The following FAM13A variants were observed in gnomAD, a reference collection of about 807,000 sequenced individuals.
FAM13A encodes protein FAM13A.
In FAM13A, 76 loss-of-function variants were observed where a neutral mutation model predicts 129.6. The observed-to-expected ratio is 0.59, with a 90% CI of 0.49 to 0.71. The LOEUF is 0.71. Ranked by LOEUF, FAM13A falls within the 30% of genes least tolerant of loss-of-function variation. FAM13A has a pLI of 0.00. For missense variants in FAM13A, 1,108 were observed against 1,249.3 expected (o/e 0.89, Z 1.70); for synonymous variants, 443 against 449.9 (o/e 0.98, Z 0.20).
chr4:88,887,063 G>GT (rs1744546277), intron 6 of FAM13A, among the ~76,000 whole-genome samples: 1 of 152,092 alleles, frequency 6.6e-6, no homozygotes, highest in African/African-American at 2.4e-5. Context: ...ATCAAACATC[G>GT]TATGTTCTCA....
At chr4:88,845,073 T>C (rs1305837307) in intron 7 of FAM13A, among the ~76,000 whole-genome samples, 3 of 152,116 alleles carry the variant, frequency 2.0e-5, no homozygotes, top group Non-Finnish European at 2.9e-5. Flanking sequence ...ATCCAGTACA[T>C]TAGTGGAATG....
At chr4:88,860,478 A>G (rs777851835) in intron 6 of FAM13A, among the ~76,000 whole-genome samples, 4 of 152,208 alleles carry the variant, frequency 2.6e-5, no homozygotes, top group Non-Finnish European at 5.9e-5. Flanking sequence ...TTGCATTTCT[A>G]TGATATATCC....
intron 3 of FAM13A, among the ~76,000 whole-genome samples, chr4:89,010,562 G>T (rs1765600450): frequency 6.6e-6 from 1 of 152,196 alleles, no homozygotes; most frequent in African/African-American, 2.4e-5. Flanking sequence ...AGATAGAAAA[G>T]AAAAGATTTG....
At position 89,019,835 on chromosome 4, in the gene FAM13A, C is replaced by T. The variant is rs550936406; in HGVS notation, c.427+625G>A. On this transcript the variant is annotated intron_variant, in intron 3 of 23. Transcript: ENST00000264344. ...TACTACAATCAAAAATCAATTTTTA[C>T]CTCACGAAATGAACAAAATTATTTT... is the stretch of plus-strand genomic sequence containing the variant. Among the ~76,000 whole-genome samples the T allele has an allele frequency of 6.8e-4, 102 of 150,148 alleles. 1 individual carries two copies. The highest frequency in any genetic ancestry group is 9.8e-4 in the Non-Finnish European group (66 of 67,618).
intron 6 of FAM13A, among the ~76,000 whole-genome samples, chr4:88,894,189 T>C (rs144556462): frequency 6.6e-6 from 1 of 152,238 alleles, no homozygotes; most frequent in Non-Finnish European, 1.5e-5. Context: ...AAGATGCACA[T>C]GCTTACGATC....
chr4:88,815,805 G>A (rs1273025622), intron 7 of FAM13A, among the ~76,000 whole-genome samples: 2 of 151,928 alleles, frequency 1.3e-5, no homozygotes, highest in South Asian at 2.1e-4. Flanking sequence ...CTTGAACTAC[G>A]TTTATTTAGA....
intron 1 of FAM13A, among the ~76,000 whole-genome samples, chr4:89,048,606 T>C (rs1560953146): frequency 1.3e-5 from 2 of 152,152 alleles, no homozygotes; most frequent in African/African-American, 4.8e-5. Context: ...GAGCTGTTGA[T>C]AAAACAGAAA....
intron 5 of FAM13A, among the ~76,000 whole-genome samples, chr4:88,924,222 C>T (rs1751687426): frequency 6.6e-6 from 1 of 152,092 alleles, no homozygotes; most frequent in Non-Finnish European, 1.5e-5. Context: ...TCATATGGAA[C>T]CCAAAAAGAG....
intron 6 of FAM13A, among the ~76,000 whole-genome samples, chr4:88,901,159 C>G (rs1214923608): frequency 6.6e-6 from 1 of 152,014 alleles, no homozygotes; most frequent in East Asian, 1.9e-4. Context: ...TCTTAGAGAC[C>G]TATAAAGAGA....
At position 89,038,848 on chromosome 4, in the gene FAM13A, G is replaced by A. The variant is rs1305848701; in HGVS notation, c.28-9199C>T. On this transcript the variant is annotated intron_variant, in intron 1 of 23. Coordinates refer to ENST00000264344, the MANE Select transcript of FAM13A (RefSeq NM_014883.4). Reference sequence around the variant, plus strand: ...CAGCTGCCAAAATATCAACTGAAAGGTTGTTGGAGAATATGATTTTCATAG... The same window carrying A: ...CAGCTGCCAAAATATCAACTGAAAGATTGTTGGAGAATATGATTTTCATAG... Among the ~76,000 whole-genome samples the A allele has an allele frequency of 5.9e-5, 9 of 152,012 alleles. No individual in the cohort carries two copies. In the East Asian group the frequency reaches 1.7e-3, roughly 29 times the overall value.
Position 89,056,786 on chromosome 4 carries a change from T to C in FAM13A, c.27+152A>G, listed in dbSNP as rs1772240921. 3 of 738,418 alleles carry C rather than the reference T, an allele frequency of 4.1e-6. No homozygotes were observed. The South Asian group carries it at 5.9e-5, about 15-fold the overall frequency. 45.7% of individuals were successfully genotyped at this position (738,418 alleles called of 1,614,324 possible). A position where few individuals can be genotyped will look rare whatever the true frequency, so the allele number is the denominator to read the frequency against. On this transcript the variant is annotated intron_variant, in intron 1 of 23. Transcript: ENST00000264344. ...CATCCCAAATCCTGCCTAATACCCA[T>C]TTAAGTAGATAGGAATTTAAGTAAC...
intron 5 of FAM13A, among the ~76,000 whole-genome samples, chr4:88,913,490 AGAG>A (rs1433608645): frequency 1.4e-5 from 2 of 146,482 alleles, no homozygotes; most frequent in Non-Finnish European, 3.0e-5. Flanking sequence ...AGGAAGAAGA[AGAG>A]GAGGAAGAGG....
At chr4:88,729,698 C>T (rs1737217111) in intron 23 of FAM13A, 1 of 152,170 alleles carries the variant, frequency 6.6e-6, no homozygotes, top group South Asian at 2.1e-4. Flanking sequence ...CTCCTAAGTC[C>T]CTCATAGTTC....
At chr4:88,939,838 CA>C (rs1328992782) in intron 4 of FAM13A, among the ~76,000 whole-genome samples, 1 of 152,128 alleles carries the variant, frequency 6.6e-6, no homozygotes, top group East Asian at 1.9e-4. Context: ...GCCATAAGAA[CA>C]CAGTAAGATG....
intron 9 of FAM13A, among the ~76,000 whole-genome samples, chr4:88,788,680 GGT>G (rs1170936848): frequency 6.6e-6 from 1 of 152,060 alleles, no homozygotes; most frequent in East Asian, 1.9e-4. Flanking sequence ...AATCTTTCAA[GGT>G]GTGTATACCT....
chr4:88,782,166 G>C (rs2149623746), intron 10 of FAM13A, among the ~76,000 whole-genome samples: 1 of 152,126 alleles, frequency 6.6e-6, no homozygotes, highest in South Asian at 2.1e-4. Context: ...CCTCTTTCAT[G>C]ACATAGTTGT....
rs1464009182 is a variant in FAM13A at position 89,020,595 on chromosome 4, T to C, written c.292A>G (p.Ser98Gly). ...TTCCCGAGCTCCACGGGCACTCCACTCTCGAACTTCAGTCGAAGTTGTTCC... is the reference window on the plus strand; with the variant it reads ...TTCCCGAGCTCCACGGGCACTCCACCCTCGAACTTCAGTCGAAGTTGTTCC... ...VVEQLRLKFE[S>G]GVPVELGKDG... Residue 98 changes from serine to glycine, a missense_variant, in exon 3 of 24, where the codon AGT (serine) becomes GGT (glycine). Coordinates refer to ENST00000264344, the MANE Select transcript of FAM13A (RefSeq NM_014883.4). 6.2e-6 allele frequency: 10 copies of C among 1,614,080 alleles called. No individual in the cohort carries two copies. Among genetic ancestry groups the C allele is most frequent in the Non-Finnish European group, 8.5e-6 (10 of 1,180,006 alleles).
intron 7 of FAM13A, among the ~76,000 whole-genome samples, chr4:88,845,911 G>GA (rs781500911): frequency 6.6e-6 from 1 of 152,122 alleles, no homozygotes; most frequent in Non-Finnish European, 1.5e-5. Context: ...AATATACATT[G>GA]AAAAGTGATT....
intron 6 of FAM13A, among the ~76,000 whole-genome samples, chr4:88,884,068 T>G (rs1744030011): frequency 6.6e-6 from 1 of 152,116 alleles, no homozygotes; most frequent in Admixed American, 6.5e-5. Flanking sequence ...ACAGCTGAAT[T>G]CTGTCAGACA....
Sources: allele counts gnomAD v4.1 joint callset (sites outside exome capture counted in the v4.1 genomes callset), GRCh38; gene constraint gnomAD v4.1.1; transcripts MANE v1.5; gene names NCBI Gene and HGNC (gene_info 2026-07-23, HGNC 2026-07-21).